The following RBFOX1 variants were observed in gnomAD, a reference collection of about 807,000 sequenced individuals.
RBFOX1 encodes RNA binding protein fox-1 homolog 1.
A neutral mutation model predicts 57.7 loss-of-function variants in RBFOX1; 8 were observed. That is an observed-to-expected ratio of 0.14 (90% CI 0.08 to 0.25). The LOEUF is 0.25. Ranked by LOEUF, RBFOX1 falls within the 10% of genes least tolerant of loss-of-function variation. The pLI is 1.00. For synonymous variants in RBFOX1, 326 were observed against 222.4 expected (o/e 1.47, Z -4.15); for missense variants, 611 against 548.5 (o/e 1.11, Z -1.14).
intron 3 of RBFOX1, among the ~76,000 whole-genome samples, chr16:6,916,486 T>G (rs1447860557): frequency 3.3e-5 from 5 of 152,040 alleles, no homozygotes; most frequent in African/African-American, 9.6e-5. Context: ...GCATTTTAGT[T>G]GTTTTTTTTT....
intron 4 of RBFOX1, among the ~76,000 whole-genome samples, chr16:7,068,575 C>G (rs1598614471): frequency 1.3e-5 from 2 of 151,950 alleles, no homozygotes; most frequent in East Asian, 3.9e-4. Flanking sequence ...CTCTTTGATA[C>G]TATTATTATT....
intron 3 of RBFOX1, among the ~76,000 whole-genome samples, chr16:7,014,235 G>T (rs924701581): frequency 2.6e-5 from 4 of 151,170 alleles, no homozygotes; most frequent in Non-Finnish European, 5.9e-5. Context: ...TTTTGAAGTG[G>T]AGTCTCGCTC....
chr16:5,716,909 C>T (rs75404468), intron 3 of RBFOX1, among the ~76,000 whole-genome samples: 12,322 of 152,208 alleles, frequency 0.081, 778 homozygotes, highest in East Asian at 0.32. Context: ...GGTCACCTGC[C>T]TCCCAGCACC....
At chr16:6,574,220 T>A (rs1391499145) in intron 2 of RBFOX1, among the ~76,000 whole-genome samples, 2 of 152,020 alleles carry the variant, frequency 1.3e-5, no homozygotes, top group African/African-American at 4.8e-5. Flanking sequence ...TTTTCTTATC[T>A]GTAAAGTGGG....
chr16:5,658,967 G>A (rs554421523), intron 3 of RBFOX1, among the ~76,000 whole-genome samples: 7 of 151,812 alleles, frequency 4.6e-5, no homozygotes, highest in South Asian at 2.1e-4. Flanking sequence ...TGCAAATTGC[G>A]ATGCTATAAA....
At chr16:5,907,111 C>G (rs543846584) in intron 4 of RBFOX1, among the ~76,000 whole-genome samples, 2 of 152,042 alleles carry the variant, frequency 1.3e-5, no homozygotes, top group African/African-American at 4.8e-5. Flanking sequence ...GAGGGGTGTA[C>G]GCATTTGGTG....
intron 4 of RBFOX1, among the ~76,000 whole-genome samples, chr16:7,295,141 A>C (rs1033998189): frequency 4.6e-5 from 7 of 152,194 alleles, no homozygotes; most frequent in Admixed American, 2.6e-4. Context: ...TTAGTTGACA[A>C]GGGTTAATGT....
At chr16:5,553,427 C>T (rs1178286158) in intron 2 of RBFOX1, among the ~76,000 whole-genome samples, 4 of 151,872 alleles carry the variant, frequency 2.6e-5, no homozygotes, top group Non-Finnish European at 5.9e-5. Context: ...GCCATTCTCC[C>T]GCCTCAGCCT....
chr16:6,839,910 A>T (rs140850137), intron 3 of RBFOX1, among the ~76,000 whole-genome samples: 2 of 152,164 alleles, frequency 1.3e-5, no homozygotes, highest in Non-Finnish European at 2.9e-5. Flanking sequence ...TTAACTTTCA[A>T]TTGCATTATT....
At chr16:5,514,700 A>G (rs557476199) in intron 2 of RBFOX1, among the ~76,000 whole-genome samples, 28 of 152,242 alleles carry the variant, frequency 1.8e-4, no homozygotes, top group African/African-American at 6.7e-4. Flanking sequence ...TGTCCACAGC[A>G]AAAGATGAAG....
At chr16:5,731,355 A>C (rs2052367139) in intron 3 of RBFOX1, among the ~76,000 whole-genome samples, 1 of 152,202 alleles carries the variant, frequency 6.6e-6, no homozygotes, top group South Asian at 2.1e-4. Flanking sequence ...CATCATATTA[A>C]TCAATTCATA....
chr16:6,328,395 A>C (rs927747324), intron 2 of RBFOX1, among the ~76,000 whole-genome samples: 5 of 152,162 alleles, frequency 3.3e-5, no homozygotes, highest in African/African-American at 1.2e-4. Flanking sequence ...TATTCATATA[A>C]CAAAATGCCA....
chr16:7,487,010 C>T (rs2065584449), intron 4 of RBFOX1, among the ~76,000 whole-genome samples: 2 of 152,308 alleles, frequency 1.3e-5, no homozygotes, highest in Middle Eastern at 6.8e-3. Flanking sequence ...AGCAGTTCTC[C>T]TGTCTCAGCC....
At chr16:5,996,836 C>T (rs896251512) in intron 4 of RBFOX1, among the ~76,000 whole-genome samples, 5 of 152,176 alleles carry the variant, frequency 3.3e-5, no homozygotes, top group African/African-American at 1.2e-4. Flanking sequence ...GCCAAACCCT[C>T]CAGGAAGCCA....
At chr16:6,884,855 T>A (rs992437276) in intron 3 of RBFOX1, among the ~76,000 whole-genome samples, 3 of 152,092 alleles carry the variant, frequency 2.0e-5, no homozygotes, top group Admixed American at 6.6e-5. Flanking sequence ...CCCAGAGTGC[T>A]CCACTGCACT....
intron 14 of RBFOX1, among the ~76,000 whole-genome samples, chr16:7,699,012 A>G (rs1015917780): frequency 6.6e-6 from 1 of 152,224 alleles, no homozygotes; most frequent in Admixed American, 6.5e-5. Context: ...AGAATGCACC[A>G]AAGTCACCTG....
chr16:5,874,128 T>A (rs551561148), intron 4 of RBFOX1, among the ~76,000 whole-genome samples: 1 of 152,324 alleles, frequency 6.6e-6, no homozygotes, highest in South Asian at 2.1e-4. Context: ...CCCATGGCAC[T>A]GAGTTTGGCA....
At chr16:7,613,809 C>T (rs1229840992) in intron 10 of RBFOX1, among the ~76,000 whole-genome samples, 2 of 152,116 alleles carry the variant, frequency 1.3e-5, no homozygotes, top group South Asian at 2.1e-4. Flanking sequence ...CAATTCCCTT[C>T]CTACAATTTG....
At chr16:7,330,013 G>A (rs1265601839) in intron 4 of RBFOX1, among the ~76,000 whole-genome samples, 2 of 152,126 alleles carry the variant, frequency 1.3e-5, no homozygotes, top group Non-Finnish European at 2.9e-5. Context: ...TACTGTAGGT[G>A]ATTGTATCTA....
Sources: gnomAD v4.1 joint callset for allele counts (sites outside exome capture counted in the v4.1 genomes callset) on GRCh38, gnomAD v4.1.1 for gene constraint, MANE v1.5 for transcripts, NCBI Gene and HGNC (gene_info 2026-07-23, HGNC 2026-07-21) for gene names.